The following PINX1 variants were observed in gnomAD, a reference collection of about 807,000 sequenced individuals.
PINX1 encodes PIN2 (TERF1) interacting telomerase inhibitor 1.
In PINX1, 34 loss-of-function variants were observed where a neutral mutation model predicts 25.4. That is an observed-to-expected ratio of 1.34 (90% CI 1.02 to 1.78). The LOEUF is 1.78. Among genes scored for constraint, PINX1 ranks in the 40% most tolerant of loss-of-function variants. The pLI is 0.00. For synonymous variants in PINX1, 197 were observed against 147.7 expected (o/e 1.33, Z -2.42); for missense variants, 592 against 404.9 (o/e 1.46, Z -3.97).
At chr8:10,821,691 C>T (rs1797880119) in intron 5 of PINX1, among the ~76,000 whole-genome samples, 1 of 152,186 alleles carries the variant, frequency 6.6e-6, no homozygotes, top group Non-Finnish European at 1.5e-5. Context: ...TTGCTGCCAG[C>T]ACAACCCATT....
intron 6 of PINX1, among the ~76,000 whole-genome samples, chr8:10,790,155 C>T (rs1349630094): frequency 1.3e-5 from 2 of 152,162 alleles, no homozygotes; most frequent in Non-Finnish European, 2.9e-5. Flanking sequence ...CCCCATGCTT[C>T]TCTCAAGGTT....
At chr8:10,771,687 T>C (rs1180814748) in intron 6 of PINX1, among the ~76,000 whole-genome samples, 1 of 152,172 alleles carries the variant, frequency 6.6e-6, no homozygotes, top group African/African-American at 2.4e-5. Flanking sequence ...TGGCCCCAAA[T>C]GCTTTGTGTT....
At chr8:10,776,503 T>C (rs890581891) in intron 6 of PINX1, among the ~76,000 whole-genome samples, 6 of 152,160 alleles carry the variant, frequency 3.9e-5, no homozygotes, top group Non-Finnish European at 8.8e-5. Flanking sequence ...ATAATATATA[T>C]AATTCTTAAC....
chr8:10,772,944 C>T (rs1801275996), intron 6 of PINX1, among the ~76,000 whole-genome samples: 1 of 148,688 alleles, frequency 6.7e-6, no homozygotes. Context: ...TTTTTTTTTA[C>T]CATTTCTAAA....
chr8:10,811,652 C>T (rs1796568342), intron 6 of PINX1, among the ~76,000 whole-genome samples: 1 of 152,174 alleles, frequency 6.6e-6, no homozygotes, highest in Non-Finnish European at 1.5e-5. Context: ...GGGAGCTGGC[C>T]AGGCACCTGC....
chr8:10,836,404 C>G (rs1023823588), intron 1 of PINX1, among the ~76,000 whole-genome samples: 3 of 152,256 alleles, frequency 2.0e-5, no homozygotes, highest in Non-Finnish European at 2.9e-5. Context: ...GCCTGTTAGC[C>G]AGTATTCTAT....
At chr8:10,812,845 G>A (rs1388368529) in intron 6 of PINX1, among the ~76,000 whole-genome samples, 1 of 152,186 alleles carries the variant, frequency 6.6e-6, no homozygotes, top group African/African-American at 2.4e-5. Context: ...CCCAGCCTGC[G>A]CTCAGGACAG....
intron 6 of PINX1, among the ~76,000 whole-genome samples, chr8:10,805,850 C>T (rs78969217): frequency 3.8e-3 from 119 of 31,246 alleles, no homozygotes; most frequent in Middle Eastern, 0.028. Context: ...GCCACACTAG[C>T]GCTGAGTGGG....
At chr8:10,778,910 G>C (rs932868583) in intron 6 of PINX1, among the ~76,000 whole-genome samples, 1 of 152,192 alleles carries the variant, frequency 6.6e-6, no homozygotes, top group Non-Finnish European at 1.5e-5. Context: ...CAAAAGCATA[G>C]CAGGGAAGTG....
chr8:10,776,687 G>C (rs944833781), intron 6 of PINX1, among the ~76,000 whole-genome samples: 1 of 152,084 alleles, frequency 6.6e-6, no homozygotes, highest in East Asian at 1.9e-4. Flanking sequence ...CACTCTTCCA[G>C]CTCTGCGTCG....
At chr8:10,828,005 G>A (rs1020603142) in intron 4 of PINX1, among the ~76,000 whole-genome samples, 8 of 151,680 alleles carry the variant, frequency 5.3e-5, no homozygotes, top group Admixed American at 2.6e-4. Flanking sequence ...ACAGTGGAGC[G>A]AAACAAGCAC....
intron 5 of PINX1, among the ~76,000 whole-genome samples, chr8:10,821,218 T>A (rs759229754): frequency 2.0e-5 from 3 of 152,250 alleles, no homozygotes; most frequent in Non-Finnish European, 4.4e-5. Flanking sequence ...CTTCTTGGTT[T>A]CCTGTAGCAC....
intron 6 of PINX1, among the ~76,000 whole-genome samples, chr8:10,781,884 C>T (rs1801597989): frequency 1.3e-5 from 2 of 152,194 alleles, no homozygotes. Context: ...CCTGCAGTCC[C>T]ATGTTCACCG....
intron 6 of PINX1, among the ~76,000 whole-genome samples, chr8:10,776,423 C>T (rs1442802761): frequency 6.9e-6 from 1 of 145,006 alleles, no homozygotes; most frequent in African/African-American, 2.6e-5. Context: ...AGACTCCGCT[C>T]AATAAATAAA....
At chr8:10,806,519 T>G (rs13265197) in intron 6 of PINX1, among the ~76,000 whole-genome samples, 2 of 152,182 alleles carry the variant, frequency 1.3e-5, no homozygotes, top group African/African-American at 4.8e-5. Flanking sequence ...TATAACATTG[T>G]GGAAATGATG....
chr8:10,834,290 T>C (rs933786413), intron 2 of PINX1: 1 of 182,366 alleles, frequency 5.5e-6, no homozygotes, highest in African/African-American at 2.4e-5. Flanking sequence ...AGGAGTTAAG[T>C]AATGTGAGAA....
intron 6 of PINX1, among the ~76,000 whole-genome samples, chr8:10,794,343 T>C (rs978495067): frequency 2.6e-5 from 4 of 152,236 alleles, no homozygotes; most frequent in African/African-American, 9.6e-5. Flanking sequence ...AAGTAACTTT[T>C]GTTTATTCAC....
At chr8:10,795,029 G>T (rs1802043235) in intron 6 of PINX1, among the ~76,000 whole-genome samples, 1 of 152,122 alleles carries the variant, frequency 6.6e-6, no homozygotes. Context: ...TTTTAAAAAG[G>T]ACAAATATTA....
At chr8:10,804,098 T>C (rs1487017500) in intron 6 of PINX1, among the ~76,000 whole-genome samples, 1 of 152,168 alleles carries the variant, frequency 6.6e-6, no homozygotes, top group Non-Finnish European at 1.5e-5. Flanking sequence ...CTCTGTCATA[T>C]GGGCAGAAGA....
Sources: gnomAD v4.1 joint callset for allele counts (sites outside exome capture counted in the v4.1 genomes callset) on GRCh38, gnomAD v4.1.1 for gene constraint, MANE v1.5 for transcripts, NCBI Gene and HGNC (gene_info 2026-07-23, HGNC 2026-07-21) for gene names.